MGMT: variants seen among roughly 807,000 people sequenced by gnomAD.
MGMT encodes the protein O-6-methylguanine-DNA methyltransferase, also known as methylated-DNA--protein-cysteine methyltransferase.
A neutral mutation model predicts 15.9 loss-of-function variants in MGMT; 14 were observed. That is an observed-to-expected ratio of 0.88 (90% CI 0.58 to 1.37). The LOEUF (loss-of-function observed/expected upper bound fraction) is 1.37. Ranked by LOEUF, MGMT falls within the 40% of genes most tolerant of loss-of-function variation. The pLI is 0.00. For synonymous variants in MGMT, 130 were observed against 118.2 expected, an observed-to-expected ratio of 1.10 and a Z score of -0.65; for missense variants, 282 against 268.1, an observed-to-expected ratio of 1.05 and a Z score of -0.36.
At chr10:129,641,757 C>T (rs1302441007) in intron 2 of MGMT, among the ~76,000 whole-genome samples, 2 of 152,176 alleles carry the variant, frequency 1.3e-5, no homozygotes, top group African/African-American at 2.4e-5. Context: ...CTGTGTCATA[C>T]GTACTCAGAA....
intron 2 of MGMT, among the ~76,000 whole-genome samples, chr10:129,603,912 T>A (rs1005152016): frequency 2.0e-5 from 3 of 152,250 alleles, no homozygotes; most frequent in Non-Finnish European, 4.4e-5. Flanking sequence ...CCCTGTGCCC[T>A]CTTGCAGGTT....
At chr10:129,547,500 T>G (rs1204831571) in intron 2 of MGMT, among the ~76,000 whole-genome samples, 1 of 152,204 alleles carries the variant, frequency 6.6e-6, no homozygotes, top group Non-Finnish European at 1.5e-5. Flanking sequence ...ACATTGGTCC[T>G]TCTGCCGGCC....
At chr10:129,554,827 A>T (rs1846195098) in intron 2 of MGMT, among the ~76,000 whole-genome samples, 1 of 152,174 alleles carries the variant, frequency 6.6e-6, no homozygotes, top group Non-Finnish European at 1.5e-5. Flanking sequence ...ATTATTACCC[A>T]GTGGCCCATA....
chr10:129,757,579 G>A lies in MGMT; in HGVS notation c.275-1623G>A, dbSNP rs150696162. Reference sequence around the variant, plus strand: ...TCATTGTTTCTTTTCCAAGACAGCTGTCCCCGAAATCTCTTTACCTCCAAG... The same window carrying A: ...TCATTGTTTCTTTTCCAAGACAGCTATCCCCGAAATCTCTTTACCTCCAAG... On this transcript the variant is annotated intron_variant, in intron 3 of 4. Transcript: ENST00000651593. Among the ~76,000 whole-genome samples the A allele has an allele frequency of 3.6e-3, 553 of 152,252 alleles. 5 individuals are homozygous for A. The highest frequency in any genetic ancestry group is 0.012 in the African/African-American group (484 of 41,532).
At chr10:129,671,290 G>A (rs1244106866) in intron 2 of MGMT, among the ~76,000 whole-genome samples, 4 of 152,180 alleles carry the variant, frequency 2.6e-5, no homozygotes, top group African/African-American at 9.7e-5. Context: ...CACATTTAGT[G>A]CTGTCACCTT....
intron 2 of MGMT, among the ~76,000 whole-genome samples, chr10:129,645,677 C>G (rs1189576426): frequency 6.6e-6 from 1 of 152,324 alleles, no homozygotes; most frequent in Non-Finnish European, 1.5e-5. Context: ...CCAATCCGGA[C>G]TCAGCATTGT....
intron 3 of MGMT, among the ~76,000 whole-genome samples, chr10:129,735,574 G>T (rs1476000473): frequency 6.7e-6 from 1 of 149,044 alleles, no homozygotes; most frequent in East Asian, 2.0e-4. Flanking sequence ...GTTCTGCTCT[G>T]ATTTTAGTTA....
chr10:129,698,616 A>G (rs1413240190), intron 2 of MGMT, among the ~76,000 whole-genome samples: 1 of 152,222 alleles, frequency 6.6e-6, no homozygotes, highest in African/African-American at 2.4e-5. Context: ...GGTGGAAGGC[A>G]TGTGCAACAC....
Position 129,745,850 on chromosome 10 carries a change from T to C in MGMT, c.275-13352T>C, listed in dbSNP as rs149852840. Among the ~76,000 whole-genome samples the C allele has an allele frequency of 3.3e-3, 500 of 152,288 alleles. 5 individuals are homozygous for C. The highest frequency in any genetic ancestry group is 0.011 in the African/African-American group (467 of 41,548). On this transcript the variant is annotated intron_variant, in intron 3 of 4. Coordinates refer to ENST00000651593, the MANE Select transcript of MGMT (RefSeq NM_002412.5). ...TGGAACTGTTGAGTTTGGAAAAATC[T>C]TTATATATTCTGGATAGGATAGGAC...
rs1845178435 is a variant in MGMT at position 129,467,269 on chromosome 10, C to CT, written c.-40_-39insT. 6.5e-6 allele frequency: 10 copies of CT among 1,543,918 alleles called. No individual in the cohort carries two copies. The highest frequency in any genetic ancestry group is 8.7e-6 in the Non-Finnish European group (10 of 1,145,418). On this transcript the variant is annotated 5_prime_UTR_variant, in exon 1 of 5. Transcript: ENST00000651593. ...GCTTTGCGTCCCGACGCCCGCAGGT[C>CT]CTCGCGGTGCGCACCGTTTGCGACT...
chr10:129,561,252 G>A (rs1002912187), intron 2 of MGMT, among the ~76,000 whole-genome samples: 30 of 152,186 alleles, frequency 2.0e-4, no homozygotes, highest in African/African-American at 6.8e-4. Context: ...GCCTGCCTGT[G>A]TCACGATGGG....
intron 3 of MGMT, among the ~76,000 whole-genome samples, chr10:129,751,751 A>G (rs773085888): frequency 6.6e-6 from 1 of 151,904 alleles, no homozygotes; most frequent in Non-Finnish European, 1.5e-5. Flanking sequence ...TTTCCTTCAG[A>G]CTTTCTCTTT....
chr10:129,716,140 T>C (rs952087888), intron 3 of MGMT, among the ~76,000 whole-genome samples: 2 of 152,094 alleles, frequency 1.3e-5, no homozygotes, highest in Non-Finnish European at 2.9e-5. Context: ...AAGAACGAAA[T>C]CGAGGAAAAG....
At chr10:129,522,361 A>G (rs1845820789) in intron 1 of MGMT, among the ~76,000 whole-genome samples, 1 of 152,158 alleles carries the variant, frequency 6.6e-6, no homozygotes, top group Non-Finnish European at 1.5e-5. Context: ...AAGTGCCTGT[A>G]GGCTTTGCAG....
At chr10:129,654,175 G>C (rs909370452) in intron 2 of MGMT, among the ~76,000 whole-genome samples, 2 of 152,194 alleles carry the variant, frequency 1.3e-5, no homozygotes, top group Admixed American at 6.5e-5. Flanking sequence ...TGGGAAGCTG[G>C]ATGGTGAGGT....
chr10:129,579,780 C>T (rs917295677), intron 2 of MGMT, among the ~76,000 whole-genome samples: 1 of 152,218 alleles, frequency 6.6e-6, no homozygotes, highest in African/African-American at 2.4e-5. Context: ...GCTTTGGAGA[C>T]TCTTAGACAT....
intron 1 of MGMT, among the ~76,000 whole-genome samples, chr10:129,488,417 TTTG>T (rs1845435227): frequency 6.6e-6 from 1 of 152,202 alleles, no homozygotes; most frequent in Non-Finnish European, 1.5e-5. Context: ...GGATTTTCTT[TTTG>T]TTATTAACTT....
At chr10:129,654,853 A>G (rs1329588479) in intron 2 of MGMT, among the ~76,000 whole-genome samples, 39 of 152,222 alleles carry the variant, frequency 2.6e-4, no homozygotes. Flanking sequence ...GTGACGGCAC[A>G]AGCCACAGTG....
chr10:129,754,182 A>G (rs920006912), intron 3 of MGMT, among the ~76,000 whole-genome samples: 1 of 152,158 alleles, frequency 6.6e-6, no homozygotes, highest in Non-Finnish European at 1.5e-5. Context: ...CCAGAAATCT[A>G]TCAACAGCTT....
Sources: allele counts gnomAD v4.1 joint callset (sites outside exome capture counted in the v4.1 genomes callset), GRCh38; gene constraint gnomAD v4.1.1; transcripts MANE v1.5; gene names NCBI Gene and HGNC (gene_info 2026-07-23, HGNC 2026-07-21).